SERPINF2: variants seen among roughly 807,000 people sequenced by gnomAD.
SERPINF2 encodes alpha-2-antiplasmin.
SERPINF2 carries 15 observed loss-of-function variants against 45.0 expected under a neutral mutation model. The observed-to-expected ratio is 0.33, with a 90% CI of 0.22 to 0.51. The LOEUF (loss-of-function observed/expected upper bound fraction) is 0.51. SERPINF2 is among the 20% of genes least tolerant of loss of function. SERPINF2 has a pLI of 0.97. For synonymous variants in SERPINF2, 283 were observed against 277.9 expected (o/e 1.02, Z -0.18); for missense variants, 518 against 637.4 (o/e 0.81, Z 2.02).
chr17:1,747,133 G>A lies in SERPINF2; in HGVS notation c.482G>A (p.Arg161Gln), dbSNP rs199593577. The change falls in exon 6 of 10, where the codon CGA (arginine) becomes CAA (glutamine). Residue 161 changes from arginine (R) to glutamine (Q), a missense_variant. Arg to Gln is a conservative substitution (Grantham distance 43). Transcript: ENST00000453066. ...CAGGACCTGGGCCCCGGCGCGTTCC[G>A]ACTGGCTGCCAGGATGTACCTGCAG... ...LCQDLGPGAFRLAARMYLQKG... is the reference protein window; with the variant it reads ...LCQDLGPGAFQLAARMYLQKG... The A allele has an allele frequency of 2.2e-4, 359 of 1,611,906 alleles. No homozygotes were observed. The highest frequency in any genetic ancestry group is 6.6e-4 in the Middle Eastern group (4 of 6,048).
At chr17:1,747,603 C>A in intron 7 of SERPINF2, 91 bp downstream of exon 7, 1 of 1,411,382 alleles carries the variant, frequency 7.1e-7, no homozygotes, top group Non-Finnish European at 9.8e-7. Context: ...CTCGCTCTGT[C>A]ACCCAGGGTG....
chr17:1,752,503 TGCC>T (rs1906487388), intron 8 of SERPINF2, 80 bp from the exon 9 acceptor site: 4 of 1,258,948 alleles, frequency 3.2e-6, no homozygotes, highest in African/African-American at 2.9e-5. Flanking sequence ...CCCCATTGTC[TGCC>T]TTAGGAGCAC....
At chr17:1,751,443 C>T (rs1906388649) in intron 8 of SERPINF2, among the ~76,000 whole-genome samples, 1 of 103,848 alleles carries the variant, frequency 9.6e-6, no homozygotes. Flanking sequence ...GAGTGAAACT[C>T]TGTCTTGAAA....
intron 8 of SERPINF2, among the ~76,000 whole-genome samples, chr17:1,750,080 TCTCCTGC>T (rs1906234170): frequency 6.6e-6 from 1 of 151,424 alleles, no homozygotes; most frequent in Non-Finnish European, 1.5e-5. Context: ...TTCAAGCCAC[TCTCCTGC>T]CTCAACCTCT....
At chr17:1,753,016 G>T (rs923927334) in intron 9 of SERPINF2, among the ~76,000 whole-genome samples, 1 of 152,220 alleles carries the variant, frequency 6.6e-6, no homozygotes, top group Non-Finnish European at 1.5e-5. Context: ...CCAAGACCTC[G>T]CATTGCAAGG....
At chr17:1,744,789 G>C (rs1312873120) in intron 1 of SERPINF2, 2 of 985,294 alleles carry the variant, frequency 2.0e-6, no homozygotes, top group African/African-American at 3.5e-5. Flanking sequence ...AACTAAAAAG[G>C]GGGAGAAGCC....
In SERPINF2 at chr17:1,745,792, C is replaced by G; in HGVS notation, c.250C>G (p.Arg84Gly). Residue 84 changes from arginine (R) to glycine (G), a missense_variant, in exon 5 of 10, where the codon CGG (arginine) becomes GGG (glycine). By Grantham distance (125) the Arg-to-Gly change is moderately radical. Around this residue, in one of 2 missense-constraint regions of SERPINF2, gnomAD observed 435 missense variants for 577.3 expected, o/e 0.75. Transcript: ENST00000453066. This position sits in a 1 kb window ranked among gnomAD's most constrained non-coding sequence, Gnocchi z 6.2. ...CCCAGAGCAGACCCACAGGCTGGCC[C>G]GGGCCATGATGGCCTTCACTGCCGA... ...PTPEQTHRLARAMMAFTADLF... is the reference protein window; with the variant it reads ...PTPEQTHRLAGAMMAFTADLF... The G allele has an allele frequency of 3.7e-6, 6 of 1,614,004 alleles. No individual in the cohort carries two copies. Among genetic ancestry groups the G allele is most frequent in the Non-Finnish European group, 5.1e-6 (6 of 1,180,016 alleles).
intron 1 of SERPINF2, chr17:1,744,767 T>G (rs1265246568): frequency 1.0e-6 from 1 of 985,370 alleles, no homozygotes; most frequent in Non-Finnish European, 1.2e-6. Context: ...GCATGAAATA[T>G]GAAACACCAG....
chr17:1,745,576 T>A lies in SERPINF2; in HGVS notation c.166-132T>A, dbSNP rs1597322837. Reference sequence around the variant, plus strand: ...GGCCCCAGAATGCCAGTGCCCTCCGTCTGACGCTCCCTCTTCCCTGGGGCT... The same window carrying A: ...GGCCCCAGAATGCCAGTGCCCTCCGACTGACGCTCCCTCTTCCCTGGGGCT... On this transcript the variant is annotated intron_variant, in intron 4 of 9. Transcript: ENST00000453066. This position sits in a 1 kb window ranked among gnomAD's most constrained non-coding sequence, Gnocchi z 6.2. 26 of 1,184,250 alleles carry A rather than the reference T, an allele frequency of 2.2e-5. No homozygotes were observed. In the South Asian group the frequency reaches 3.3e-4, roughly 15 times the overall value. The allele number at this position is 1,184,250 out of a possible 1,614,324, so 73.4% of individuals were successfully genotyped here. A position where few individuals can be genotyped will look rare whatever the true frequency, so the allele number is the denominator to read the frequency against.
chr17:1,743,833 T>C (rs1443573560), intron 1 of SERPINF2, among the ~76,000 whole-genome samples: 1 of 151,782 alleles, frequency 6.6e-6, no homozygotes, highest in African/African-American at 2.4e-5. Flanking sequence ...AGAGGTGGCC[T>C]TGAGCCAAGC....
At chr17:1,748,871 G>A (rs1906115705) in intron 8 of SERPINF2, 131 bp downstream of exon 8, 2 of 741,758 alleles carry the variant, frequency 2.7e-6, no homozygotes, top group South Asian at 2.8e-5. Context: ...CCCTAGGCAG[G>A]CAACTGCAAA....
In SERPINF2 at chr17:1,754,585, T is replaced by G. The variant is rs995748256; in HGVS notation, c.*51T>G. On this transcript the variant is annotated 3_prime_UTR_variant, in exon 10 of 10. Coordinates refer to ENST00000453066, the MANE Select transcript of SERPINF2 (RefSeq NM_000934.4). The stretch of plus-strand genomic sequence containing the variant: ...TCCCTGCCTGGACCAGCCTCTCCAC[T>G]CATGTGACTCTTTCCAACCGGCTTT... 17 of 1,567,764 alleles carry G rather than the reference T, an allele frequency of 1.1e-5. No individual in the cohort carries two copies. In the African/African-American group the frequency reaches 2.2e-4, roughly 20 times the overall value.
Position 1,754,345 on chromosome 17 carries a change from C to T in SERPINF2, c.1287C>T (p.Phe429=), listed in dbSNP as rs759438744. 22 of 1,614,046 alleles carry T rather than the reference C, an allele frequency of 1.4e-5. No homozygotes were observed. The highest frequency in any genetic ancestry group is 1.3e-4 in the Admixed American group (8 of 59,986). ...IFEDTTGLPL[F]VGSVRNPNPS... is the part of the protein sequence containing the mutation. ...AGGACACCACAGGCCTTCCCCTCTT[C>T]GTGGGCAGCGTGAGGAACCCCAACC... The change falls in exon 10 of 10, where the codon TTC becomes TTT. Residue 429 remains phenylalanine, a synonymous_variant. Coordinates refer to ENST00000453066, the MANE Select transcript of SERPINF2 (RefSeq NM_000934.4).
At chr17:1,743,829 G>A (rs1377456683) in intron 1 of SERPINF2, among the ~76,000 whole-genome samples, 1 of 151,968 alleles carries the variant, frequency 6.6e-6, no homozygotes, top group African/African-American at 2.4e-5. Context: ...CAGAAGAGGT[G>A]GCCTTGAGCC....
intron 7 of SERPINF2, among the ~76,000 whole-genome samples, 156 bp downstream of exon 7, chr17:1,747,668 G>A (rs1452860758): frequency 6.6e-6 from 1 of 152,190 alleles, no homozygotes; most frequent in Non-Finnish European, 1.5e-5. Flanking sequence ...GGATTGAAGC[G>A]ATTCTCCTGG....
At chr17:1,751,170 T>C (rs1401690270) in intron 8 of SERPINF2, among the ~76,000 whole-genome samples, 2 of 152,134 alleles carry the variant, frequency 1.3e-5, no homozygotes, top group Admixed American at 1.3e-4. Context: ...TCTTAATGGC[T>C]GGGCACGGTG....
At chr17:1,744,382 A>G (rs1380289601) in intron 1 of SERPINF2, among the ~76,000 whole-genome samples, 1 of 151,992 alleles carries the variant, frequency 6.6e-6, no homozygotes, top group African/African-American at 2.4e-5. Flanking sequence ...AATCCCAGCT[A>G]TTCGGGAGGC....
rs914262916 is a variant in SERPINF2 at position 1,752,060 on chromosome 17, T to C, written c.859-526T>C. ...GACACTGCTACAATGTTGTTTTTTT[T>C]CTTTTTTTGAGACGGATTTTTACTC... is the stretch of plus-strand genomic sequence containing the variant. On this transcript the variant is annotated intron_variant, in intron 8 of 9. Transcript: ENST00000453066. Among the ~76,000 whole-genome samples the C allele has an allele frequency of 4.4e-5, 6 of 137,880 alleles. 1 individual carries two copies. Among genetic ancestry groups the C allele is most frequent in the African/African-American group, 1.5e-4 (6 of 40,678 alleles). 90.5% of individuals were successfully genotyped at this position (137,880 alleles called of 152,430 possible).
chr17:1,747,624 G>A (rs1243556466), intron 7 of SERPINF2, 112 bp downstream of exon 7: 2 of 1,214,866 alleles, frequency 1.6e-6, no homozygotes, highest in African/African-American at 3.0e-5. Flanking sequence ...GAGCGCAGTG[G>A]CGCGATCTCG....
Sources: allele counts gnomAD v4.1 joint callset (sites outside exome capture counted in the v4.1 genomes callset), GRCh38; gene constraint gnomAD v4.1.1; regional missense constraint gnomAD v4.1.1; non-coding constraint Gnocchi (gnomAD v3.1); transcripts MANE v1.5; gene names NCBI Gene and HGNC (gene_info 2026-07-23, HGNC 2026-07-21).